Variants in TSPAN18 observed in about 807,000 individuals in gnomAD.
TSPAN18 encodes tetraspanin-18.
A neutral mutation model predicts 27.3 loss-of-function variants in TSPAN18; 14 were observed. The ratio of observed to expected loss-of-function variants is 0.51; its 90% CI spans 0.34 to 0.80. The LOEUF (loss-of-function observed/expected upper bound fraction) is 0.80. Ranked by LOEUF, TSPAN18 falls within the 30% of genes least tolerant of loss-of-function variation. TSPAN18 has a pLI of 0.01. For missense variants in TSPAN18, 268 were observed against 323.9 expected, an observed-to-expected ratio of 0.83 and a Z score of 1.32; for synonymous variants, 143 against 136.5, an observed-to-expected ratio of 1.05 and a Z score of -0.33.
intron 2 of TSPAN18, among the ~76,000 whole-genome samples, chr11:44,786,314 G>A (rs1856055964): frequency 6.6e-6 from 1 of 152,214 alleles, no homozygotes; most frequent in Non-Finnish European, 1.5e-5. Flanking sequence ...TGTCCTGTGG[G>A]CTGCCTGCCC....
intron 5 of TSPAN18, among the ~76,000 whole-genome samples, chr11:44,913,688 G>A (rs767189837): frequency 6.6e-6 from 1 of 152,224 alleles, no homozygotes; most frequent in Non-Finnish European, 1.5e-5. Context: ...CCTATAAGCA[G>A]ATGGGTTAGA....
chr11:44,785,615 A>C (rs981144301), intron 2 of TSPAN18, among the ~76,000 whole-genome samples: 1 of 151,880 alleles, frequency 6.6e-6, no homozygotes, highest in South Asian at 2.1e-4. Flanking sequence ...TTTTCCACAA[A>C]GTACTTGTGG....
At chr11:44,795,210 C>T (rs866520233) in intron 2 of TSPAN18, among the ~76,000 whole-genome samples, 14 of 152,162 alleles carry the variant, frequency 9.2e-5, no homozygotes, top group African/African-American at 1.4e-4. Flanking sequence ...CCGGTCCTCA[C>T]GCCAGCTGCT....
chr11:44,774,476 C>T (rs907280290), intron 2 of TSPAN18, among the ~76,000 whole-genome samples: 3 of 152,190 alleles, frequency 2.0e-5, no homozygotes, highest in Admixed American at 2.0e-4. Flanking sequence ...AGGCTCCTGA[C>T]CTCAAAACCT....
At chr11:44,804,571 T>A (rs1856551602) in intron 2 of TSPAN18, among the ~76,000 whole-genome samples, 1 of 152,116 alleles carries the variant, frequency 6.6e-6, no homozygotes, top group Non-Finnish European at 1.5e-5. Flanking sequence ...TTCATCTCAG[T>A]TCAGCACAGA....
intron 2 of TSPAN18, among the ~76,000 whole-genome samples, chr11:44,811,125 A>AACACAC (rs61153202): frequency 0.035 from 4,982 of 142,400 alleles, 106 homozygotes; most frequent in African/African-American, 0.048. Context: ...CTGGAGTTTT[A>AACACAC]ACACACACAC....
chr11:44,835,779 A>G (rs1857252691), intron 2 of TSPAN18, among the ~76,000 whole-genome samples: 1 of 152,190 alleles, frequency 6.6e-6, no homozygotes, highest in African/African-American at 2.4e-5. Flanking sequence ...CCATTTTTCC[A>G]ACAGCATGTG....
At chr11:44,815,294 A>G (rs1856798222) in intron 2 of TSPAN18, among the ~76,000 whole-genome samples, 1 of 152,214 alleles carries the variant, frequency 6.6e-6, no homozygotes, top group South Asian at 2.1e-4. Context: ...TTCTCAATCC[A>G]TCTTGTGTCG....
chr11:44,793,170 C>T (rs2135047912), intron 2 of TSPAN18, among the ~76,000 whole-genome samples: 1 of 152,350 alleles, frequency 6.6e-6, no homozygotes, highest in African/African-American at 2.4e-5. Context: ...TCCCAAGAAG[C>T]TGGGCTGACA....
Position 44,812,168 on chromosome 11 carries a change from C to T in TSPAN18, c.-153+47656C>T, listed in dbSNP as rs557029923. 9.8e-5 allele frequency among the ~76,000 whole-genome samples: 15 copies of T among 152,348 alleles called. No individual in the cohort carries two copies. The East Asian group carries it at 2.5e-3, about 25-fold the overall frequency. ...AGGCAGGTCTAACCAAGGCAAAGAG[C>T]ATGCACTTTGTAGATCTGCAGGCCT... is the stretch of plus-strand genomic sequence containing the variant. On this transcript the variant is annotated intron_variant, in intron 2 of 9. Transcript: ENST00000520358.
At chr11:44,899,988 C>T (rs1160336614) in intron 3 of TSPAN18, among the ~76,000 whole-genome samples, 2 of 152,188 alleles carry the variant, frequency 1.3e-5, no homozygotes, top group Non-Finnish European at 2.9e-5. Flanking sequence ...TCTTGGACCT[C>T]ATAGTCTCAA....
chr11:44,728,131 C>G (rs1431401353), intron 1 of TSPAN18, among the ~76,000 whole-genome samples: 1 of 152,130 alleles, frequency 6.6e-6, no homozygotes, highest in Non-Finnish European at 1.5e-5. Context: ...GGGTCCCGCC[C>G]CGAGGAGCCC....
At chr11:44,828,372 G>A (rs953957571) in intron 2 of TSPAN18, among the ~76,000 whole-genome samples, 9 of 152,100 alleles carry the variant, frequency 5.9e-5, no homozygotes, top group African/African-American at 2.2e-4. Context: ...TGGAAGCCTC[G>A]ATCTTCCATG....
intron 1 of TSPAN18, among the ~76,000 whole-genome samples, chr11:44,755,952 AATGGAGAGAGAGGGAAAGAGAG>A: frequency 6.6e-6 from 1 of 152,150 alleles, no homozygotes; most frequent in East Asian, 1.9e-4. Flanking sequence ...CAGAGAGAGA[AATGGAGAGAGAGGGAAAGAGAG>A]ATGGAGAGAG....
At chr11:44,821,989 G>T (rs931110253) in intron 2 of TSPAN18, among the ~76,000 whole-genome samples, 1 of 152,172 alleles carries the variant, frequency 6.6e-6, no homozygotes, top group Non-Finnish European at 1.5e-5. Flanking sequence ...ATGGCTGGGG[G>T]TGAAGGCCAG....
intron 3 of TSPAN18, among the ~76,000 whole-genome samples, chr11:44,895,408 G>A (rs1012447674): frequency 1.3e-5 from 2 of 152,134 alleles, no homozygotes; most frequent in Non-Finnish European, 2.9e-5. Context: ...ACCTTGGAGA[G>A]GGGGGTGACT....
At chr11:44,808,382 A>G (rs1856645752) in intron 2 of TSPAN18, among the ~76,000 whole-genome samples, 1 of 152,202 alleles carries the variant, frequency 6.6e-6, no homozygotes, top group African/African-American at 2.4e-5. Context: ...GGAGGGAGAG[A>G]CAGGAAATTG....
intron 3 of TSPAN18, chr11:44,904,026 A>G (rs973312812): frequency 2.7e-6 from 1 of 369,346 alleles, no homozygotes; most frequent in African/African-American, 2.1e-5. Context: ...ACTTGGGTGG[A>G]TGATCTCAGG....
At chr11:44,919,384 C>A in intron 7 of TSPAN18, 72 bp downstream of exon 7, 2 of 1,271,652 alleles carry the variant, frequency 1.6e-6, no homozygotes, top group Non-Finnish European at 1.1e-6. Context: ...CCACGCCAGG[C>A]ATCAGTAATC....
Sources: allele counts gnomAD v4.1 joint callset (sites outside exome capture counted in the v4.1 genomes callset), GRCh38; gene constraint gnomAD v4.1.1; transcripts MANE v1.5; gene names NCBI Gene and HGNC (gene_info 2026-07-23, HGNC 2026-07-21).